The following SLC25A21 variants were observed in gnomAD, a reference collection of about 807,000 sequenced individuals.
SLC25A21 encodes the protein solute carrier family 25 member 21.
In SLC25A21, 47 loss-of-function variants were observed where a neutral mutation model predicts 43.8. The ratio of observed to expected loss-of-function variants is 1.07; its 90% CI spans 0.85 to 1.37. The LOEUF (loss-of-function observed/expected upper bound fraction) is 1.37. Ranked by LOEUF, SLC25A21 falls within the 40% of genes most tolerant of loss-of-function variation. SLC25A21 has a pLI of 0.00. For missense variants in SLC25A21, 352 were observed against 350.2 expected (o/e 1.00, Z -0.04); for synonymous variants, 131 against 121.3 (o/e 1.08, Z -0.52).
intron 6 of SLC25A21, among the ~76,000 whole-genome samples, chr14:36,712,045 G>C (rs368272421): frequency 3.3e-5 from 5 of 152,180 alleles, no homozygotes; most frequent in African/African-American, 1.2e-4. Flanking sequence ...ATCAGTGTGC[G>C]TATCACTGCT....
chr14:36,900,371 A>G (rs1049874333), intron 1 of SLC25A21, among the ~76,000 whole-genome samples: 1 of 152,146 alleles, frequency 6.6e-6, no homozygotes, highest in Admixed American at 6.5e-5. Flanking sequence ...ATGGAGGACT[A>G]TCGAGAAGGT....
intron 3 of SLC25A21, among the ~76,000 whole-genome samples, chr14:36,763,632 G>C (rs1484583759): frequency 6.6e-6 from 1 of 152,086 alleles, no homozygotes; most frequent in Non-Finnish European, 1.5e-5. Context: ...TGTTGTAGAG[G>C]GGTCCTTGCT....
At chr14:37,170,072 T>C (rs1268132467) in intron 1 of SLC25A21, among the ~76,000 whole-genome samples, 1 of 152,102 alleles carries the variant, frequency 6.6e-6, no homozygotes, top group East Asian at 1.9e-4. Flanking sequence ...AGTCTCGCTC[T>C]GTCGCCAGGT....
intron 2 of SLC25A21, among the ~76,000 whole-genome samples, chr14:36,859,024 C>A (rs1889987473): frequency 6.6e-6 from 1 of 152,178 alleles, no homozygotes; most frequent in Non-Finnish European, 1.5e-5. Context: ...TTGCAGTTAA[C>A]ATTTTCCTAA....
intron 1 of SLC25A21, among the ~76,000 whole-genome samples, chr14:37,060,248 G>A (rs1023843692): frequency 6.6e-6 from 1 of 151,768 alleles, no homozygotes; most frequent in Non-Finnish European, 1.5e-5. Context: ...ACCAGAATCC[G>A]ATCATGCTGA....
chr14:37,141,803 T>C (rs1566909864), intron 1 of SLC25A21, among the ~76,000 whole-genome samples: 2 of 152,242 alleles, frequency 1.3e-5, no homozygotes, highest in Admixed American at 1.3e-4. Context: ...GAATAACCAC[T>C]GTAATCAGCT....
At chr14:36,740,498 T>G (rs1040905326) in intron 3 of SLC25A21, among the ~76,000 whole-genome samples, 1 of 152,246 alleles carries the variant, frequency 6.6e-6, no homozygotes, top group Non-Finnish European at 1.5e-5. Flanking sequence ...GTACTACTTA[T>G]GTACATCTGT....
chr14:37,154,333 C>T (rs1963809296), intron 1 of SLC25A21, among the ~76,000 whole-genome samples: 1 of 152,110 alleles, frequency 6.6e-6, no homozygotes. Flanking sequence ...GCCAAAGTGC[C>T]CTACCTAACA....
intron 1 of SLC25A21, among the ~76,000 whole-genome samples, chr14:37,069,094 G>A (rs756030747): frequency 1.3e-4 from 20 of 151,928 alleles, no homozygotes; most frequent in Admixed American, 4.6e-4. Flanking sequence ...GGAGAATAGC[G>A]TGAACCTGGG....
At chr14:37,128,538 C>CTCTGTGTGTG (rs1555348857) in intron 1 of SLC25A21, among the ~76,000 whole-genome samples, 172 of 122,788 alleles carry the variant, frequency 1.4e-3, no homozygotes, top group East Asian at 3.4e-3. Flanking sequence ...CTCTCTCTCT[C>CTCTGTGTGTG]TGTGTGTGTG....
intron 2 of SLC25A21, among the ~76,000 whole-genome samples, chr14:36,839,385 T>C (rs1416370250): frequency 6.6e-6 from 1 of 152,260 alleles, no homozygotes; most frequent in African/African-American, 2.4e-5. Context: ...ACCAGTTTCA[T>C]TTAAGTAATG....
At chr14:36,911,713 C>A (rs531594711) in intron 1 of SLC25A21, among the ~76,000 whole-genome samples, 5 of 152,136 alleles carry the variant, frequency 3.3e-5, no homozygotes, top group Non-Finnish European at 7.3e-5. Flanking sequence ...GCCCCAGCCA[C>A]TATCTGATTG....
chr14:36,806,156 T>G (rs991553737), intron 3 of SLC25A21, among the ~76,000 whole-genome samples: 2 of 149,046 alleles, frequency 1.3e-5, no homozygotes, highest in Admixed American at 6.7e-5. Context: ...GGGTGGAGGT[T>G]GCAGTGAGCT....
At chr14:36,991,984 T>C (rs1960273229) in intron 1 of SLC25A21, among the ~76,000 whole-genome samples, 1 of 152,206 alleles carries the variant, frequency 6.6e-6, no homozygotes, top group Non-Finnish European at 1.5e-5. Context: ...TCTACAGACG[T>C]GTTACAGTAG....
chr14:37,038,623 T>A (rs967634700), intron 1 of SLC25A21, among the ~76,000 whole-genome samples: 2 of 152,180 alleles, frequency 1.3e-5, no homozygotes, highest in African/African-American at 4.8e-5. Context: ...TTGACACAAA[T>A]TCAGGAAGTC....
At chr14:36,724,074 CT>C (rs1884484860) in intron 6 of SLC25A21, among the ~76,000 whole-genome samples, 2 of 152,186 alleles carry the variant, frequency 1.3e-5, no homozygotes, top group Admixed American at 6.5e-5. Context: ...AAAAATGTTT[CT>C]TTTCCCCTCC....
chr14:36,932,698 T>C (rs1892325216), intron 1 of SLC25A21, among the ~76,000 whole-genome samples: 1 of 152,108 alleles, frequency 6.6e-6, no homozygotes, highest in Admixed American at 6.6e-5. Flanking sequence ...CCCATTAAAC[T>C]TGATGGACCT....
At chr14:36,859,297 A>C (rs1018138080) in intron 2 of SLC25A21, among the ~76,000 whole-genome samples, 2 of 152,254 alleles carry the variant, frequency 1.3e-5, no homozygotes, top group East Asian at 3.8e-4. Context: ...GGAATGCAAC[A>C]GATTCTGCCT....
At chr14:37,109,165 T>C (rs1308684853) in intron 1 of SLC25A21, among the ~76,000 whole-genome samples, 1 of 152,122 alleles carries the variant, frequency 6.6e-6, no homozygotes, top group Non-Finnish European at 1.5e-5. Flanking sequence ...ATGCACAGCT[T>C]TGTAGATCAT....
Sources: allele counts gnomAD v4.1 joint callset (sites outside exome capture counted in the v4.1 genomes callset), GRCh38; gene constraint gnomAD v4.1.1; transcripts MANE v1.5; gene names NCBI Gene and HGNC (gene_info 2026-07-23, HGNC 2026-07-21).